The following NDST4 variants were observed in gnomAD, a reference collection of about 807,000 sequenced individuals.
The protein encoded by NDST4 is N-deacetylase and N-sulfotransferase 4, also known as N-heparan sulfate sulfotransferase 4.
A neutral mutation model predicts 100.8 loss-of-function variants in NDST4; 63 were observed. The observed-to-expected ratio is 0.62, with a 90% CI of 0.51 to 0.77. The LOEUF (loss-of-function observed/expected upper bound fraction) is 0.77, where lower values mean the gene tolerates loss of function less well. NDST4 is among the 30% of genes least tolerant of loss of function. The probability of loss-of-function intolerance (pLI) is 0.00; values close to 1 mark genes in which losing one functional copy is unlikely to be tolerated. For synonymous variants in NDST4, 377 were observed against 361.8 expected (o/e 1.04, Z -0.48); for missense variants, 943 against 1,018.4 (o/e 0.93, Z 1.01).
intron 9 of NDST4, among the ~76,000 whole-genome samples, chr4:114,847,588 A>G (rs1009456053): frequency 6.6e-6 from 1 of 152,038 alleles, no homozygotes; most frequent in African/African-American, 2.4e-5. Context: ...GAGCTAGAAA[A>G]AATCACCAGA....
intron 7 of NDST4, among the ~76,000 whole-genome samples, chr4:114,855,242 A>C (rs1157104814): frequency 6.6e-6 from 1 of 151,984 alleles, no homozygotes; most frequent in Non-Finnish European, 1.5e-5. Context: ...TTGTCTCTAA[A>C]CTTTATTGTT....
intron 4 of NDST4, among the ~76,000 whole-genome samples, chr4:114,945,208 C>CAAAAAA (rs1173970826): frequency 2.2e-3 from 120 of 53,662 alleles, no homozygotes; most frequent in Non-Finnish European, 2.6e-3. Flanking sequence ...AACTCCGTCT[C>CAAAAAA]AAAAAAAAAA....
intron 1 of NDST4, among the ~76,000 whole-genome samples, chr4:115,095,916 C>T (rs1268134174): frequency 6.6e-6 from 1 of 151,992 alleles, no homozygotes; most frequent in Non-Finnish European, 1.5e-5. Context: ...TCTTCTATTT[C>T]TTTTGCTCAC....
chr4:114,899,295 A>G (rs1429770807), intron 6 of NDST4, among the ~76,000 whole-genome samples: 1 of 152,182 alleles, frequency 6.6e-6, no homozygotes, highest in Non-Finnish European at 1.5e-5. Context: ...CTCCTGCCTC[A>G]GCCTCCTGAG....
chr4:114,895,389 A>T (rs1256020273), intron 6 of NDST4, among the ~76,000 whole-genome samples: 2 of 152,208 alleles, frequency 1.3e-5, no homozygotes, highest in Non-Finnish European at 2.9e-5. Context: ...ATCTAGAAGA[A>T]ATGAATACAT....
At chr4:115,023,425 C>A (rs1287121687) in intron 2 of NDST4, among the ~76,000 whole-genome samples, 2 of 145,228 alleles carry the variant, frequency 1.4e-5, no homozygotes, top group East Asian at 4.1e-4. Context: ...GCAGAGGTTG[C>A]AGTGAGCCGA....
intron 7 of NDST4, among the ~76,000 whole-genome samples, chr4:114,862,553 A>C (rs918788820): frequency 6.6e-6 from 1 of 152,156 alleles, no homozygotes; most frequent in Admixed American, 6.6e-5. Context: ...GCCACTGTTG[A>C]ATGTCAAAGT....
intron 2 of NDST4, among the ~76,000 whole-genome samples, chr4:115,069,575 A>G (rs915057452): frequency 6.6e-6 from 1 of 152,228 alleles, no homozygotes; most frequent in African/African-American, 2.4e-5. Flanking sequence ...TGATCATTAG[A>G]GAAATGCAAA....
intron 2 of NDST4, among the ~76,000 whole-genome samples, chr4:115,012,959 G>A (rs1727586533): frequency 6.6e-6 from 1 of 151,454 alleles, no homozygotes; most frequent in African/African-American, 2.4e-5. Flanking sequence ...ACACAGAAGG[G>A]CAAACTTCGC....
At chr4:114,848,530 A>G (rs1048614796) in intron 8 of NDST4, among the ~76,000 whole-genome samples, 192 bp from the exon 9 acceptor site, 1 of 152,218 alleles carries the variant, frequency 6.6e-6, no homozygotes, top group Non-Finnish European at 1.5e-5. Flanking sequence ...TCATGATTCT[A>G]TTGATCAGAA....
intron 10 of NDST4, chr4:114,842,577 T>C (rs1370968268): frequency 6.1e-6 from 1 of 163,552 alleles, no homozygotes. Flanking sequence ...GGATCACGAG[T>C]TCAGGAGATT....
rs187731524 is a variant in NDST4 at position 114,949,210 on chromosome 4, T to A, written c.1222-11707A>T. The stretch of plus-strand genomic sequence containing the variant: ...TGATTAATAACTCTATCAATTTTTT[T>A]AGAAAGTATTAAAATATTAAATTTT... On this transcript the variant is annotated intron_variant, in intron 4 of 13. Transcript: ENST00000264363. Among the ~76,000 whole-genome samples the A allele has an allele frequency of 8.1e-3, 1,237 of 152,084 alleles. 13 individuals are homozygous for A. Among genetic ancestry groups the A allele is most frequent in the African/African-American group, 0.026 (1,096 of 41,556 alleles).
chr4:115,057,578 A>G (rs1341177754), intron 2 of NDST4, among the ~76,000 whole-genome samples: 1 of 152,190 alleles, frequency 6.6e-6, no homozygotes, highest in Non-Finnish European at 1.5e-5. Context: ...TCTAACGTTT[A>G]TAACTGAACC....
intron 2 of NDST4, among the ~76,000 whole-genome samples, chr4:115,034,266 C>T (rs1242613708): frequency 6.6e-6 from 1 of 152,056 alleles, no homozygotes; most frequent in Non-Finnish European, 1.5e-5. Flanking sequence ...TGGTTGTTTA[C>T]TCTGTCCCAA....
chr4:115,053,449 A>G (rs1728626831), intron 2 of NDST4, among the ~76,000 whole-genome samples: 1 of 152,114 alleles, frequency 6.6e-6, no homozygotes, highest in Non-Finnish European at 1.5e-5. Flanking sequence ...AAGTTCATAT[A>G]AAGTATATAC....
intron 6 of NDST4, among the ~76,000 whole-genome samples, chr4:114,932,306 T>C (rs1036768466): frequency 2.6e-5 from 4 of 151,984 alleles, no homozygotes; most frequent in African/African-American, 4.8e-5. Context: ...CATCCATTCA[T>C]GATAAAAAGC....
Position 115,049,270 on chromosome 4 carries a change from C to A in NDST4, c.978+26789G>T, listed in dbSNP as rs139724240. Among the ~76,000 whole-genome samples, 407 of 150,326 alleles carry A rather than the reference C, an allele frequency of 2.7e-3. 1 individual carries two copies. The highest frequency in any genetic ancestry group is 9.6e-3 in the African/African-American group (391 of 40,924). On this transcript the variant is annotated intron_variant, in intron 2 of 13. Coordinates refer to ENST00000264363, the MANE Select transcript of NDST4 (RefSeq NM_022569.3). ...TGTCTTTTGCAAATTGGGAAAAGGG[C>A]GATCATTAAAGAGAAAGTGGAAAAA...
At position 114,850,677 on chromosome 4, in the gene NDST4, G is replaced by A. The variant is rs192029474; in HGVS notation, c.1816+2048C>T. ...CAATCAACTCCTCCTTAGTTTTAAT[G>A]TACGGGGGTAAGCCAGGCAAATCAT... On this transcript the variant is annotated intron_variant, in intron 8 of 13. Transcript: ENST00000264363. Among the ~76,000 whole-genome samples the A allele has an allele frequency of 5.9e-5, 9 of 152,168 alleles. No homozygotes were observed. In the East Asian group the frequency reaches 1.7e-3, roughly 29 times the overall value.
chr4:115,096,012 A>AT (rs1729614474), intron 1 of NDST4, among the ~76,000 whole-genome samples: 1 of 152,116 alleles, frequency 6.6e-6, no homozygotes, highest in South Asian at 2.1e-4. Flanking sequence ...TCTCTCTCTC[A>AT]TGGCCTCACA....
Sources: allele counts gnomAD v4.1 joint callset (sites outside exome capture counted in the v4.1 genomes callset), GRCh38; gene constraint gnomAD v4.1.1; transcripts MANE v1.5; gene names NCBI Gene and HGNC (gene_info 2026-07-23, HGNC 2026-07-21).